Variants in PIK3C2A observed in about 807,000 individuals in gnomAD.
PIK3C2A encodes phosphatidylinositol 4-phosphate 3-kinase C2 domain-containing subunit alpha.
In PIK3C2A, 97 loss-of-function variants were observed where a neutral mutation model predicts 204.5. The observed-to-expected ratio is 0.47, with a 90% CI of 0.40 to 0.56. The LOEUF (loss-of-function observed/expected upper bound fraction) is 0.56. Ranked by LOEUF, PIK3C2A falls within the 20% of genes least tolerant of loss-of-function variation. PIK3C2A has a pLI of 0.00. For synonymous variants in PIK3C2A, 653 were observed against 664.4 expected (o/e 0.98, Z 0.26); for missense variants, 1,735 against 1,969.2 (o/e 0.88, Z 2.25).
chr11:17,164,867 C>T (rs1420662639), intron 2 of PIK3C2A, among the ~76,000 whole-genome samples: 1 of 152,118 alleles, frequency 6.6e-6, no homozygotes, highest in African/African-American at 2.4e-5. Context: ...CACCCATCCT[C>T]ATTATTCCTC....
At chr11:17,155,005 G>C (rs183651136) in intron 3 of PIK3C2A, among the ~76,000 whole-genome samples, 1 of 152,312 alleles carries the variant, frequency 6.6e-6, no homozygotes, top group Non-Finnish European at 1.5e-5. Context: ...GACTAGCCAA[G>C]TAAAGTTTGT....
At chr11:17,122,895 A>C in intron 13 of PIK3C2A, 82 bp from the exon 14 acceptor site, 3 of 634,386 alleles carry the variant, frequency 4.7e-6, no homozygotes, top group East Asian at 5.5e-5. Context: ...GAATTTGAAA[A>C]GTTAGTATGA....
At chr11:17,195,136 C>T (rs1039789146) in intron 1 of PIK3C2A, among the ~76,000 whole-genome samples, 1 of 151,936 alleles carries the variant, frequency 6.6e-6, no homozygotes, top group Non-Finnish European at 1.5e-5. Flanking sequence ...TATAGGGGGC[C>T]GGGTGTGGTG....
rs1848236633 is a variant in PIK3C2A, at chr11:17,089,577, G to T, written c.*161C>A. 3.8e-6 allele frequency: 2 copies of T among 532,320 alleles called. No individual in the cohort carries two copies. Among genetic ancestry groups the T allele is most frequent in the East Asian group, 3.0e-5 (1 of 33,106 alleles). The allele number at this position is 532,320 out of a possible 1,614,324, so 33.0% of individuals were successfully genotyped here. Reference sequence around the variant, plus strand: ...TTATGTGACTGTTGGTCCAACAGATGTGTTGAAATGCAGCAAGTATATTTA... The same window carrying T: ...TTATGTGACTGTTGGTCCAACAGATTTGTTGAAATGCAGCAAGTATATTTA... On this transcript the variant is annotated 3_prime_UTR_variant, in exon 33 of 33. Transcript: ENST00000691414.
chr11:17,121,169 G>A (rs1002182000), intron 15 of PIK3C2A, among the ~76,000 whole-genome samples: 7 of 151,848 alleles, frequency 4.6e-5, no homozygotes, highest in African/African-American at 9.7e-5. Flanking sequence ...CCAGGCTGCA[G>A]TGCAGTGATG....
chr11:17,103,757 G>T (rs1363042165), intron 23 of PIK3C2A, among the ~76,000 whole-genome samples: 2 of 152,192 alleles, frequency 1.3e-5, no homozygotes, highest in Admixed American at 6.5e-5. Context: ...TTAAGTTGCA[G>T]AGTGAGGATT....
chr11:17,136,737 T>C (rs1215397282), intron 8 of PIK3C2A, 112 bp from the exon 9 acceptor site: 7 of 544,084 alleles, frequency 1.3e-5, no homozygotes, highest in Non-Finnish European at 2.2e-5. Context: ...TATCCTCTAC[T>C]CTTTTGTGAT....
intron 21 of PIK3C2A, 86 bp downstream of exon 21, chr11:17,112,488 C>A: frequency 1.6e-6 from 1 of 620,942 alleles, no homozygotes; most frequent in Non-Finnish European, 2.8e-6. Flanking sequence ...AAATATTAAA[C>A]AAAATCACCT....
intron 20 of PIK3C2A, among the ~76,000 whole-genome samples, chr11:17,113,697 A>C (rs941067470): frequency 2.4e-4 from 35 of 147,910 alleles, no homozygotes; most frequent in African/African-American, 8.6e-4. Context: ...CAGGAGAATC[A>C]CTTGAACCTG....
At chr11:17,178,101 A>G (rs10633474) in intron 1 of PIK3C2A, among the ~76,000 whole-genome samples, 2 of 97,992 alleles carry the variant, frequency 2.0e-5, no homozygotes, top group Admixed American at 1.1e-4. Flanking sequence ...TCAAAAAAAA[A>G]AAAAAAAAAA....
intron 1 of PIK3C2A, among the ~76,000 whole-genome samples, chr11:17,172,407 A>G (rs1185564540): frequency 6.6e-6 from 1 of 152,172 alleles, no homozygotes; most frequent in Non-Finnish European, 1.5e-5. Flanking sequence ...CAAACATGTG[A>G]GTGAAGCCAC....
chr11:17,179,010 T>C (rs1350750214), intron 1 of PIK3C2A, among the ~76,000 whole-genome samples: 1 of 151,236 alleles, frequency 6.6e-6, no homozygotes, highest in Non-Finnish European at 1.5e-5. Context: ...ATTACAGGCG[T>C]GAGCCACCGC....
chr11:17,179,538 A>G (rs1851463243), intron 1 of PIK3C2A, among the ~76,000 whole-genome samples: 1 of 152,136 alleles, frequency 6.6e-6, no homozygotes, highest in Admixed American at 6.5e-5. Context: ...AATTACCTTA[A>G]TATTCTAGAT....
intron 2 of PIK3C2A, among the ~76,000 whole-genome samples, chr11:17,167,859 T>C (rs939110675): frequency 3.9e-5 from 6 of 152,200 alleles, no homozygotes; most frequent in Non-Finnish European, 5.9e-5. Context: ...TAATATTTCA[T>C]TCTTCACTTT....
rs766089617 is a variant in PIK3C2A at position 17,172,260 on chromosome 11, A to G, written c.-65-2454T>C. ...CTTTTACCAATGAAATGGAAGTGAC[A>G]CTGTGGGAATAGGAGTTCCAAATCT... On this transcript the variant is annotated intron_variant, in intron 1 of 32. Coordinates refer to ENST00000691414, the MANE Select transcript of PIK3C2A (RefSeq NM_002645.4). Among the ~76,000 whole-genome samples, 23 of 152,330 alleles carry G rather than the reference A, an allele frequency of 1.5e-4. No individual in the cohort carries two copies. The East Asian group carries it at 4.2e-3, about 28-fold the overall frequency.
chr11:17,088,246 CT>C lies in PIK3C2A; in HGVS notation c.*1491del, dbSNP rs1451227973. 6.6e-6 allele frequency: 1 copy of C among 151,934 alleles called. No homozygotes were observed. Among genetic ancestry groups the C allele is most frequent in the Non-Finnish European group, 1.5e-5 (1 of 68,000 alleles). The allele number at this position is 151,934 out of a possible 1,614,324, so 9.4% of individuals were successfully genotyped here. A position where few individuals can be genotyped will look rare whatever the true frequency, so the allele number is the denominator to read the frequency against. ...GAGTAACTAATAAAAATGAATCTTA[CT>C]CTTTTTTTCTTTTTTTTTAAGATGG... On this transcript the variant is annotated 3_prime_UTR_variant, in exon 33 of 33. Transcript: ENST00000691414.
At chr11:17,156,112 C>T (rs1024092302) in intron 2 of PIK3C2A, among the ~76,000 whole-genome samples, 9 of 152,226 alleles carry the variant, frequency 5.9e-5, no homozygotes, top group African/African-American at 2.2e-4. Context: ...ATACTAACAT[C>T]CTCACAATCC....
chr11:17,110,931 T>C (rs777508104), intron 21 of PIK3C2A, among the ~76,000 whole-genome samples: 1 of 152,086 alleles, frequency 6.6e-6, no homozygotes, highest in Non-Finnish European at 1.5e-5. Context: ...TTTTTGAGAC[T>C]GAGTCTTGCT....
At chr11:17,153,215 T>A (rs770578112) in intron 3 of PIK3C2A, among the ~76,000 whole-genome samples, 3 of 152,070 alleles carry the variant, frequency 2.0e-5, no homozygotes, top group Admixed American at 6.6e-5. Context: ...GCAGATCACC[T>A]GAGGTCAGGA....
Sources: gnomAD v4.1 joint callset for allele counts (sites outside exome capture counted in the v4.1 genomes callset) on GRCh38, gnomAD v4.1.1 for gene constraint, MANE v1.5 for transcripts, NCBI Gene and HGNC (gene_info 2026-07-23, HGNC 2026-07-21) for gene names.